THSD7A: variants seen among roughly 807,000 people sequenced by gnomAD.
The protein encoded by THSD7A is thrombospondin type-1 domain-containing protein 7A.
In THSD7A, 96 loss-of-function variants were observed where a neutral mutation model predicts 231.3. The observed-to-expected ratio is 0.41, with a 90% CI of 0.35 to 0.49. THSD7A has a LOEUF of 0.49. Among genes scored for constraint, THSD7A ranks in the 20% least tolerant of loss-of-function variants. The pLI is 0.05. For synonymous variants in THSD7A, 940 were observed against 743.3 expected, an observed-to-expected ratio of 1.26 and a Z score of -4.30; for missense variants, 2,290 against 2,070.2, an observed-to-expected ratio of 1.11 and a Z score of -2.06.
At chr7:11,401,276 A>G (rs1228164814) in intron 23 of THSD7A, among the ~76,000 whole-genome samples, 1 of 152,120 alleles carries the variant, frequency 6.6e-6, no homozygotes, top group Non-Finnish European at 1.5e-5. Context: ...AGCTCATAAA[A>G]CCGGGAAACA....
At position 11,831,908 on chromosome 7, in the gene THSD7A, C is replaced by A. The variant is rs1296821531; in HGVS notation, c.39G>T (p.Arg13=). Residue 13 remains arginine, a synonymous_variant, in exon 1 of 28, where the codon CGG becomes CGT. Transcript: ENST00000423059. The surrounding 1 kb of genome is among the most constrained non-coding windows in gnomAD (Gnocchi z 5.0). ...CGCCCCGGCGCGGCCCCGCAGCGCCCCGGCTCCCGGACGCCCAGCGCCTGG... is the reference window on the plus strand; with the variant it reads ...CGCCCCGGCGCGGCCCCGCAGCGCCACGGCTCCCGGACGCCCAGCGCCTGG... ...LQARRWASGS[R]GAAGPRRGVL... is the part of the protein sequence containing the mutation. 8.1e-7 allele frequency: 1 copy of A among 1,238,236 alleles called. No individual in the cohort carries two copies. The highest frequency in any genetic ancestry group is 1.0e-6 in the Non-Finnish European group (1 of 994,438). The allele number at this position is 1,238,236 out of a possible 1,614,324, so 76.7% of individuals were successfully genotyped here.
Position 11,632,562 on chromosome 7 carries a change from A to G in THSD7A, c.1022+3568T>C, listed in dbSNP as rs1781691396. ...TTTTACCACTTGCTTTCTAATTTTC[A>G]TTTCCTTCTCTTTTCAGGTACATTG... On this transcript the variant is annotated intron_variant, in intron 2 of 27. Coordinates refer to ENST00000423059, the MANE Select transcript of THSD7A (RefSeq NM_015204.3). The surrounding 1 kb of genome is among the most constrained non-coding windows in gnomAD (Gnocchi z 4.1). Among the ~76,000 whole-genome samples, 1 of 152,068 alleles carries G rather than the reference A, an allele frequency of 6.6e-6. No homozygotes were observed. Among genetic ancestry groups the G allele is most frequent in the South Asian group, 2.1e-4 (1 of 4,824 alleles).
chr7:11,714,859 T>G (rs1013752859), intron 1 of THSD7A, among the ~76,000 whole-genome samples: 1 of 151,364 alleles, frequency 6.6e-6, no homozygotes, highest in Non-Finnish European at 1.5e-5. Flanking sequence ...CAAACCACAA[T>G]AGATTGTTCA....
intron 1 of THSD7A, among the ~76,000 whole-genome samples, chr7:11,662,564 TAC>T (rs1334986947): frequency 6.6e-6 from 1 of 151,286 alleles, no homozygotes; most frequent in African/African-American, 2.4e-5. Flanking sequence ...ATAATTGGCA[TAC>T]ACACACACAT....
intron 23 of THSD7A, among the ~76,000 whole-genome samples, chr7:11,388,502 T>C (rs977402621): frequency 1.3e-5 from 2 of 152,220 alleles, no homozygotes; most frequent in African/African-American, 4.8e-5. Context: ...TATTCTCAGA[T>C]GGTAGTTTGA....
rs79150774 is a variant in THSD7A at position 11,461,887 on chromosome 7, A to G, written c.2501+124T>C. The G allele has an allele frequency of 5.2e-3, 6,583 of 1,260,782 alleles. 42 individuals are homozygous for G. Among genetic ancestry groups the G allele is most frequent in the Middle Eastern group, 0.039 (153 of 3,894 alleles). 78.1% of individuals were successfully genotyped at this position (1,260,782 alleles called of 1,614,324 possible). ...ACAAGAATGGCAGCTACAGCCATAA[A>G]CATCCCAACTCCATTGAGCCTGTGG... On this transcript the variant is annotated intron_variant, in intron 10 of 27. Coordinates refer to ENST00000423059, the MANE Select transcript of THSD7A (RefSeq NM_015204.3).
chr7:11,643,988 T>C (rs568610029), intron 1 of THSD7A, among the ~76,000 whole-genome samples: 1 of 151,808 alleles, frequency 6.6e-6, no homozygotes, highest in African/African-American at 2.4e-5. Flanking sequence ...TTCCTCCAAG[T>C]CTGAGCTCCT....
At chr7:11,410,945 G>A (rs571548388) in intron 19 of THSD7A, among the ~76,000 whole-genome samples, 10 of 151,852 alleles carry the variant, frequency 6.6e-5, no homozygotes, top group Admixed American at 2.6e-4. Context: ...TTCACCTTAC[G>A]TATTGTTCCC....
At chr7:11,596,729 G>A (rs1448219409) in intron 2 of THSD7A, among the ~76,000 whole-genome samples, 1 of 152,244 alleles carries the variant, frequency 6.6e-6, no homozygotes, top group African/African-American at 2.4e-5. Context: ...AAGACAGATG[G>A]ATCTTGGAGA....
chr7:11,713,596 C>A (rs557481984), intron 1 of THSD7A, among the ~76,000 whole-genome samples: 1 of 151,196 alleles, frequency 6.6e-6, no homozygotes, highest in Non-Finnish European at 1.5e-5. Flanking sequence ...TATCAGGAAG[C>A]AATTGTATAT....
At chr7:11,783,860 C>T (rs887598718) in intron 1 of THSD7A, among the ~76,000 whole-genome samples, 3 of 152,008 alleles carry the variant, frequency 2.0e-5, no homozygotes, top group African/African-American at 7.2e-5. Flanking sequence ...ATATTTGTCT[C>T]TCCATATCAA....
chr7:11,710,152 G>A lies in THSD7A; in HGVS notation c.191-73191C>T, dbSNP rs573104312. 9.3e-5 allele frequency among the ~76,000 whole-genome samples: 14 copies of A among 150,808 alleles called. No homozygotes were observed. In the South Asian group the frequency reaches 2.5e-3, roughly 27 times the overall value. On this transcript the variant is annotated intron_variant, in intron 1 of 27. Transcript: ENST00000423059. The stretch of plus-strand genomic sequence containing the variant: ...TAAAGCAGTGGTTTCAGTAAGTATA[G>A]GGTGAAGCCTAAGAATCTGCATTTT...
chr7:11,760,081 T>A (rs1022842998), intron 1 of THSD7A, among the ~76,000 whole-genome samples: 2 of 152,040 alleles, frequency 1.3e-5, no homozygotes, highest in African/African-American at 4.8e-5. Flanking sequence ...AAGGTACTTA[T>A]TGGGAAAGAA....
At chr7:11,482,018 T>C in intron 6 of THSD7A, 36 bp from the exon 7 acceptor site, 1 of 1,530,730 alleles carries the variant, frequency 6.5e-7, no homozygotes, top group African/African-American at 1.4e-5. Flanking sequence ...CTATTATTGT[T>C]AAATTAATGT....
chr7:11,551,544 A>G (rs769792306), intron 4 of THSD7A, among the ~76,000 whole-genome samples: 15 of 152,146 alleles, frequency 9.9e-5, no homozygotes, highest in Non-Finnish European at 2.2e-4. Flanking sequence ...TAATACATGA[A>G]TAGACATTTT....
Position 11,400,077 on chromosome 7 carries a change from C to T in THSD7A, c.4411+1718G>A, listed in dbSNP as rs13221336. Among the ~76,000 whole-genome samples the T allele has an allele frequency of 2.9e-4, 44 of 150,202 alleles. No individual in the cohort carries two copies. The Middle Eastern group carries it at 0.01, about 36-fold the overall frequency. On this transcript the variant is annotated intron_variant, in intron 23 of 27. Transcript: ENST00000423059. ...ATGGCAAGGACGAAAAACCAAACAC[C>T]GCATGTTCTCACTCATAGGTGGGAA... is the stretch of plus-strand genomic sequence containing the variant.
intron 6 of THSD7A, among the ~76,000 whole-genome samples, chr7:11,485,808 C>G (rs1239366087): frequency 6.6e-6 from 1 of 152,166 alleles, no homozygotes; most frequent in East Asian, 1.9e-4. Flanking sequence ...TGTTGCCAGC[C>G]ACACAGTGCT....
chr7:11,769,136 TATATATA>T (rs1783131108), intron 1 of THSD7A, among the ~76,000 whole-genome samples: 6 of 52,358 alleles, frequency 1.1e-4, no homozygotes, highest in Non-Finnish European at 2.5e-4. Context: ...TATATATATA[TATATATA>T]TATATATATA....
At chr7:11,645,342 G>A (rs1054575529) in intron 1 of THSD7A, among the ~76,000 whole-genome samples, 4 of 151,514 alleles carry the variant, frequency 2.6e-5, no homozygotes, top group African/African-American at 9.7e-5. Context: ...TCAGTGTTTT[G>A]TGTTATTTTG....
Sources: gnomAD v4.1 joint callset for allele counts (sites outside exome capture counted in the v4.1 genomes callset) on GRCh38, gnomAD v4.1.1 for gene constraint, Gnocchi (gnomAD v3.1) non-coding constraint, MANE v1.5 for transcripts, NCBI Gene and HGNC (gene_info 2026-07-23, HGNC 2026-07-21) for gene names.